The following ATXN2 variants were observed in gnomAD, a reference collection of about 807,000 sequenced individuals.
ATXN2 encodes the protein ataxin-2.
A neutral mutation model predicts 138.6 loss-of-function variants in ATXN2; 37 were observed. The observed-to-expected ratio is 0.27, with a 90% CI of 0.21 to 0.35. The LOEUF (loss-of-function observed/expected upper bound fraction) is 0.35. ATXN2 is among the 10% of genes least tolerant of loss of function. The pLI is 1.00. For synonymous variants in ATXN2, 549 were observed against 543.7 expected (o/e 1.01, Z -0.13); for missense variants, 1,216 against 1,480.3 (o/e 0.82, Z 2.93).
intron 5 of ATXN2, among the ~76,000 whole-genome samples, chr12:111,525,803 G>C (rs1880460226): frequency 6.6e-6 from 1 of 151,398 alleles, no homozygotes; most frequent in Non-Finnish European, 1.5e-5. Context: ...TCCTGCCTCA[G>C]TCTCCCGAGT....
rs771033723 is a variant in ATXN2 at position 111,510,481 on chromosome 12, T to C, written c.1660A>G (p.Ile554Val). 4.3e-6 allele frequency: 7 copies of C among 1,614,058 alleles called. No individual in the cohort carries two copies. Among genetic ancestry groups the C allele is most frequent in the Non-Finnish European group, 5.9e-6 (7 of 1,180,038 alleles). The change falls in exon 12 of 25, where the codon ATT (isoleucine) becomes GTT (valine). Residue 554 changes from isoleucine (I) to valine (V), a missense_variant. Ile to Val is a conservative substitution (Grantham distance 29). Coordinates refer to ENST00000673436, the MANE Select transcript of ATXN2 (RefSeq NM_001372574.1). The part of the protein sequence containing the change: ...GPVLASPQAG[I>V]IPTEAVAMPI... ...ATGGCAACAGCTTCAGTTGGAATAA[T>C]ACCAGCTTGGGGAGAAGCAAGAACT...
intron 1 of ATXN2, among the ~76,000 whole-genome samples, chr12:111,568,737 A>C (rs1445028811): frequency 6.6e-6 from 1 of 152,206 alleles, no homozygotes; most frequent in Non-Finnish European, 1.5e-5. Flanking sequence ...TTTAATACTT[A>C]AGTAACTAAT....
At chr12:111,459,199 A>G (rs1875370589) in intron 21 of ATXN2, among the ~76,000 whole-genome samples, 2 of 152,252 alleles carry the variant, frequency 1.3e-5, no homozygotes, top group Admixed American at 1.3e-4. Flanking sequence ...TCTGGGAGCT[A>G]GAACAAATGA....
At chr12:111,553,604 A>AAAAAATTTTTTTTTT (rs1882237738) in intron 3 of ATXN2, among the ~76,000 whole-genome samples, 5 of 85,002 alleles carry the variant, frequency 5.9e-5, no homozygotes, top group Non-Finnish European at 7.6e-5. Flanking sequence ...AAAAAAAAAA[A>AAAAAATTTTTTTTTT]TTTTTTTTTT....
chr12:111,557,505 T>C (rs1016585201), intron 1 of ATXN2, among the ~76,000 whole-genome samples: 2 of 152,336 alleles, frequency 1.3e-5, no homozygotes, highest in South Asian at 2.1e-4. Flanking sequence ...TTTATAGATC[T>C]TACTACAAAA....
intron 21 of ATXN2, among the ~76,000 whole-genome samples, chr12:111,459,104 G>A (rs1566001864): frequency 6.6e-6 from 1 of 152,326 alleles, no homozygotes; most frequent in East Asian, 1.9e-4. Context: ...TTTCCAGACT[G>A]TAGGAATTAA....
At chr12:111,547,251 A>G (rs1348517666) in intron 5 of ATXN2, among the ~76,000 whole-genome samples, 3 of 151,708 alleles carry the variant, frequency 2.0e-5, no homozygotes, top group Non-Finnish European at 2.9e-5. Flanking sequence ...ATATGGTGAA[A>G]CCCCGTCTCT....
intron 5 of ATXN2, among the ~76,000 whole-genome samples, chr12:111,529,130 T>TC (rs1566045121): frequency 1.3e-5 from 2 of 151,734 alleles, no homozygotes; most frequent in African/African-American, 4.8e-5. Context: ...AGTCTGGATT[T>TC]TAAAAAAAAA....
intron 5 of ATXN2, among the ~76,000 whole-genome samples, chr12:111,541,367 T>C (rs1432592805): frequency 7.0e-6 from 1 of 143,268 alleles, no homozygotes; most frequent in Non-Finnish European, 1.6e-5. Flanking sequence ...TTTTTTTTTT[T>C]TGAAACAGAG....
chr12:111,500,118 C>T (rs1314048022), intron 14 of ATXN2, among the ~76,000 whole-genome samples: 2 of 152,134 alleles, frequency 1.3e-5, no homozygotes, highest in African/African-American at 4.8e-5. Flanking sequence ...TAGGTATATA[C>T]TCAGAAAGGA....
At chr12:111,559,124 T>C (rs1882536127) in intron 1 of ATXN2, among the ~76,000 whole-genome samples, 1 of 151,078 alleles carries the variant, frequency 6.6e-6, no homozygotes, top group Non-Finnish European at 1.5e-5. Flanking sequence ...ACATAAAAAA[T>C]GACAGTTTTT....
chr12:111,598,316 C>G lies in ATXN2; in HGVS notation c.251+468G>C. 2.0e-6 allele frequency: 2 copies of G among 997,728 alleles called. No homozygotes were observed. The allele number at this position is 997,728 out of a possible 1,614,324, so 61.8% of individuals were successfully genotyped here. On this transcript the variant is annotated intron_variant, in intron 1 of 24. Coordinates refer to ENST00000673436, the MANE Select transcript of ATXN2 (RefSeq NM_001372574.1). The surrounding 1 kb of genome is among the most constrained non-coding windows in gnomAD (Gnocchi z 4.5). ...GGGACGCGGCCCTAACTTCTCCCCT[C>G]CAGAGATGTCCCCCATGGAGGGGGA...
At chr12:111,517,992 TGGGTTA>T (rs757964420) in intron 9 of ATXN2, among the ~76,000 whole-genome samples, 1 of 152,142 alleles carries the variant, frequency 6.6e-6, no homozygotes, top group African/African-American at 2.4e-5. Flanking sequence ...GTGATTGTCT[TGGGTTA>T]AATGTAGCAC....
intron 1 of ATXN2, among the ~76,000 whole-genome samples, chr12:111,581,150 A>G (rs1268776052): frequency 1.3e-5 from 2 of 151,990 alleles, no homozygotes; most frequent in African/African-American, 2.4e-5. Context: ...AAAAAAAAAA[A>G]AAAAGAAATG....
intron 1 of ATXN2, among the ~76,000 whole-genome samples, chr12:111,557,924 C>T (rs574062214): frequency 1.3e-5 from 2 of 152,070 alleles, no homozygotes; most frequent in African/African-American, 2.4e-5. Context: ...ACAAATGCCA[C>T]GAACTGTCCT....
chr12:111,511,172 T>C (rs1879485504), intron 11 of ATXN2: 1 of 152,050 alleles, frequency 6.6e-6, no homozygotes, highest in Admixed American at 6.6e-5. Context: ...AGGTTTCATA[T>C]ACCATTATAA....
At chr12:111,591,046 C>T (rs1365295860) in intron 1 of ATXN2, among the ~76,000 whole-genome samples, 1 of 151,958 alleles carries the variant, frequency 6.6e-6, no homozygotes, top group East Asian at 1.9e-4. Context: ...CCCTCCACCG[C>T]GCCCAGCTAA....
intron 14 of ATXN2, among the ~76,000 whole-genome samples, chr12:111,500,252 T>C (rs1028128791): frequency 1.3e-5 from 2 of 152,200 alleles, no homozygotes; most frequent in African/African-American, 4.8e-5. Flanking sequence ...AAATGTGGTA[T>C]ATATACACAA....
chr12:111,507,507 G>C (rs1488248630), intron 14 of ATXN2, among the ~76,000 whole-genome samples: 8 of 150,480 alleles, frequency 5.3e-5, no homozygotes, highest in African/African-American at 2.0e-4. Flanking sequence ...GTCAGCCCCC[G>C]CCCGGCCAGC....
Sources: allele counts gnomAD v4.1 joint callset (sites outside exome capture counted in the v4.1 genomes callset), GRCh38; gene constraint gnomAD v4.1.1; non-coding constraint Gnocchi (gnomAD v3.1); transcripts MANE v1.5; gene names NCBI Gene and HGNC (gene_info 2026-07-23, HGNC 2026-07-21).